Variants in ELAVL2 observed in about 807,000 individuals in gnomAD.
ELAVL2 encodes the protein ELAV-like protein 2.
A neutral mutation model predicts 34.6 loss-of-function variants in ELAVL2; 4 were observed. The ratio of observed to expected loss-of-function variants is 0.12; its 90% CI spans 0.06 to 0.26. ELAVL2 has a LOEUF of 0.26. Among genes scored for constraint, ELAVL2 ranks in the 10% least tolerant of loss-of-function variants. ELAVL2 has a pLI of 1.00. For missense variants in ELAVL2, 432 were observed against 442.8 expected (o/e 0.98, Z 0.22); for synonymous variants, 193 against 154.8 (o/e 1.25, Z -1.83).
intron 4 of ELAVL2, among the ~76,000 whole-genome samples, chr9:23,701,881 G>A (rs2037372100): frequency 6.6e-6 from 1 of 152,046 alleles, no homozygotes; most frequent in Admixed American, 6.5e-5. Context: ...GAAAACACAA[G>A]CATGTCCATG....
At chr9:23,724,123 C>T (rs2044463929) in intron 3 of ELAVL2, among the ~76,000 whole-genome samples, 1 of 152,022 alleles carries the variant, frequency 6.6e-6, no homozygotes, top group Non-Finnish European at 1.5e-5. Flanking sequence ...GCTATGATAC[C>T]CCTGTGGAGC....
chr9:23,753,600 A>G (rs1188011438), intron 2 of ELAVL2, among the ~76,000 whole-genome samples: 2 of 152,180 alleles, frequency 1.3e-5, no homozygotes, highest in Non-Finnish European at 2.9e-5. Flanking sequence ...AAAAAAAAGA[A>G]GCAACAAGTT....
chr9:23,710,396 C>A (rs1220219427), intron 3 of ELAVL2, among the ~76,000 whole-genome samples: 2 of 152,168 alleles, frequency 1.3e-5, no homozygotes, highest in Non-Finnish European at 2.9e-5. Context: ...TAAATGCTTT[C>A]GTCCAAACAC....
chr9:23,695,988 C>T (rs1166241346), intron 5 of ELAVL2, among the ~76,000 whole-genome samples: 1 of 152,132 alleles, frequency 6.6e-6, no homozygotes, highest in African/African-American at 2.4e-5. Context: ...TCTCCGAGGA[C>T]CCTCCAAATT....
chr9:23,795,445 T>A (rs1173789719), intron 1 of ELAVL2, among the ~76,000 whole-genome samples: 1 of 151,940 alleles, frequency 6.6e-6, no homozygotes, highest in Non-Finnish European at 1.5e-5. Context: ...CGCGAGGCTG[T>A]GACAGGAGAA....
intron 2 of ELAVL2, among the ~76,000 whole-genome samples, chr9:23,748,381 C>T (rs2051035663): frequency 6.6e-6 from 1 of 152,104 alleles, no homozygotes; most frequent in African/African-American, 2.4e-5. Context: ...CAAGACCCCA[C>T]ACGGATGTTT....
At chr9:23,797,980 A>G (rs1396034697) in intron 1 of ELAVL2, among the ~76,000 whole-genome samples, 1 of 152,180 alleles carries the variant, frequency 6.6e-6, no homozygotes, top group Non-Finnish European at 1.5e-5. Context: ...ATAAGAATTC[A>G]TGGGTCATGA....
At chr9:23,768,040 T>G (rs551754106) in intron 1 of ELAVL2, among the ~76,000 whole-genome samples, 18 of 152,202 alleles carry the variant, frequency 1.2e-4, no homozygotes, top group African/African-American at 3.9e-4. Flanking sequence ...ACCAGCAAAT[T>G]AAAGCCTCCA....
At chr9:23,703,979 C>T (rs1443608840) in intron 4 of ELAVL2, among the ~76,000 whole-genome samples, 3 of 152,152 alleles carry the variant, frequency 2.0e-5, no homozygotes, top group African/African-American at 7.2e-5. Flanking sequence ...ATTGCCCAGG[C>T]TGGAGTGCAA....
At chr9:23,737,280 T>C (rs1453641714) in intron 2 of ELAVL2, among the ~76,000 whole-genome samples, 1 of 152,224 alleles carries the variant, frequency 6.6e-6, no homozygotes, top group Non-Finnish European at 1.5e-5. Context: ...ATAGTTGCCC[T>C]TATAAACATG....
chr9:23,722,546 C>G (rs1030061741), intron 3 of ELAVL2, among the ~76,000 whole-genome samples: 1 of 152,158 alleles, frequency 6.6e-6, no homozygotes, highest in South Asian at 2.1e-4. Context: ...TCCAGAAAGT[C>G]TCAAGACAAA....
chr9:23,849,909 C>T, the ELAVL2 span: 5 of 152,208 alleles, frequency 3.3e-5, no homozygotes, highest in African/African-American at 9.6e-5. Context: ...TCACTTACCA[C>T]GGCAACCTCA....
rs960580106 is a variant in ELAVL2 at position 23,716,924 on chromosome 9, G to C, written c.334-11853C>G. ...AACAGTGAGTTGAGGGCAGAGTCTAGAGACCTTGAATGTCAGGGCAAAACT... is the reference window on the plus strand; with the variant it reads ...AACAGTGAGTTGAGGGCAGAGTCTACAGACCTTGAATGTCAGGGCAAAACT... On this transcript the variant is annotated intron_variant, in intron 3 of 6. Coordinates refer to ENST00000397312, the MANE Select transcript of ELAVL2 (RefSeq NM_004432.5). Among the ~76,000 whole-genome samples the C allele has an allele frequency of 3.9e-5, 6 of 152,298 alleles. No individual in the cohort carries two copies. The South Asian group carries it at 1.2e-3, about 32-fold the overall frequency.
upstream of ELAVL2, among the ~76,000 whole-genome samples, chr9:23,828,861 C>T (rs539179022): frequency 4.6e-5 from 7 of 152,102 alleles, no homozygotes; most frequent in Non-Finnish European, 1.5e-5. Flanking sequence ...ATATTGATTA[C>T]AGCCTCTTTA....
intron 2 of ELAVL2, among the ~76,000 whole-genome samples, chr9:23,747,067 G>C (rs551620990): frequency 2.3e-4 from 35 of 152,002 alleles, no homozygotes; most frequent in Non-Finnish European, 3.7e-4. Flanking sequence ...GAGTACAGTA[G>C]TCCTCCACCC....
intron 1 of ELAVL2, among the ~76,000 whole-genome samples, chr9:23,814,634 G>A (rs773664840): frequency 1.3e-5 from 2 of 152,154 alleles, no homozygotes; most frequent in Non-Finnish European, 2.9e-5. Context: ...GAGATCAAAA[G>A]TGGTGTTGAA....
chr9:23,735,305 C>G (rs2047610758), intron 2 of ELAVL2: 1 of 152,076 alleles, frequency 6.6e-6, no homozygotes, highest in African/African-American at 2.4e-5. Context: ...GGCAAGGTCT[C>G]TCTCTCTGTC....
chr9:23,693,304 T>C (rs969606672), intron 6 of ELAVL2, 144 bp downstream of exon 6: 12 of 1,014,010 alleles, frequency 1.2e-5, no homozygotes, highest in African/African-American at 6.5e-5. Context: ...TCAATTGTGC[T>C]TCAAAGAGCA....
At chr9:23,713,711 G>A (rs1331854899) in intron 3 of ELAVL2, among the ~76,000 whole-genome samples, 2 of 152,132 alleles carry the variant, frequency 1.3e-5, no homozygotes, top group South Asian at 2.1e-4. Flanking sequence ...AGGCAAGCAC[G>A]TGTTAGCTTA....
Sources: allele counts gnomAD v4.1 joint callset (sites outside exome capture counted in the v4.1 genomes callset), GRCh38; gene constraint gnomAD v4.1.1; transcripts MANE v1.5; gene names NCBI Gene and HGNC (gene_info 2026-07-23, HGNC 2026-07-21).